Variants in SLC12A5 observed in about 807,000 individuals in gnomAD.
SLC12A5 encodes the protein K-Cl cotransporter 2.
SLC12A5 carries 18 observed loss-of-function variants against 124.0 expected under a neutral mutation model. The ratio of observed to expected loss-of-function variants is 0.15; its 90% CI spans 0.10 to 0.22. The LOEUF is 0.22. Ranked by LOEUF, SLC12A5 falls within the 10% of genes least tolerant of loss-of-function variation. SLC12A5 has a pLI of 1.00. For missense variants in SLC12A5, 867 were observed against 1,478.7 expected, an observed-to-expected ratio of 0.59 and a Z score of 6.78; for synonymous variants, 589 against 568.0, an observed-to-expected ratio of 1.04 and a Z score of -0.53.
At position 46,029,858 on chromosome 20, in the gene SLC12A5, CTGTGTG is replaced by C. The variant is rs3080279; in HGVS notation, c.52+489_52+494del. Among the ~76,000 whole-genome samples, 243 of 133,090 alleles carry C rather than the reference CTGTGTG, an allele frequency of 1.8e-3. 2 individuals are homozygous for C. The highest frequency in any genetic ancestry group is 2.5e-3 in the Non-Finnish European group (159 of 64,162). The allele number at this position is 133,090 out of a possible 152,430, so 87.3% of individuals were successfully genotyped here. The stretch of plus-strand genomic sequence containing the variant: ...ATCTGGAAGATGGGGGAAGAGGTGG[CTGTGTG>C]TGTGTGTGTGTGTGTGTGTGTGTGT... On this transcript the variant is annotated intron_variant, in intron 1 of 25. Transcript: ENST00000243964.
At chr20:46,044,004 C>A in intron 11 of SLC12A5, 71 bp downstream of exon 11, 1 of 1,478,956 alleles carries the variant, frequency 6.8e-7, no homozygotes, top group Non-Finnish European at 9.1e-7. Context: ...GGGAAACAGA[C>A]CCATCAGGAG....
chr20:46,056,506 AATAAGGGCC>A lies in SLC12A5; in HGVS notation c.3053_3061del (p.Asn1018_Pro1021delinsThr). 6.2e-7 allele frequency: 1 copy of A among 1,614,056 alleles called. No homozygotes were observed. Among genetic ancestry groups the A allele is most frequent in the Non-Finnish European group, 8.5e-7 (1 of 1,179,988 alleles). ...CAAGGACAAGTCGGTGGCAGAGAAG[AATAAGGGCC>A]CCAGTCCTGTCTCCTCTGAGGGCAT... On this transcript the variant is annotated inframe_deletion, in exon 23 of 26. Coordinates refer to ENST00000243964, the MANE Select transcript of SLC12A5 (RefSeq NM_020708.5). This position sits in a 1 kb window ranked among gnomAD's most constrained non-coding sequence, Gnocchi z 4.3.
intron 16 of SLC12A5, among the ~76,000 whole-genome samples, chr20:46,049,214 A>G (rs1383263493): frequency 1.3e-5 from 2 of 152,190 alleles, no homozygotes; most frequent in African/African-American, 4.8e-5. Context: ...GAGGACTAAG[A>G]CGGCTAAATG....
At chr20:46,044,529 G>T (rs1600598211) in intron 11 of SLC12A5, among the ~76,000 whole-genome samples, 2 of 152,200 alleles carry the variant, frequency 1.3e-5, no homozygotes, top group South Asian at 4.1e-4. Flanking sequence ...TGGAGGAAGG[G>T]CATTCCAGGC....
Position 46,056,830 on chromosome 20 carries a change from G to T in SLC12A5, c.3111-67G>T. ...CAGATGACCATGGCCCAAGCCCCCAGTGTCTTCCTCTTTTTCTGACTCTGC... is the reference window on the plus strand; with the variant it reads ...CAGATGACCATGGCCCAAGCCCCCATTGTCTTCCTCTTTTTCTGACTCTGC... On this transcript the variant is annotated intron_variant, in intron 23 of 25. Transcript: ENST00000243964. This position sits in a 1 kb window ranked among gnomAD's most constrained non-coding sequence, Gnocchi z 4.3. The T allele has an allele frequency of 6.5e-7, 1 of 1,549,322 alleles. No homozygotes were observed. The highest frequency in any genetic ancestry group is 1.7e-5 in the Admixed American group (1 of 59,934).
At position 46,045,874 on chromosome 20, in the gene SLC12A5, C is replaced by G. The variant is rs1235380042; in HGVS notation, c.1570-4C>G. ...CAGTCCCATGATGATTGCTCTTTCC[C>G]CAGGTCTTTGGCCATGGCAAGGCCA... On this transcript the variant is annotated splice_region_variant and splice_polypyrimidine_tract_variant and intron_variant, in intron 12 of 25. Coordinates refer to ENST00000243964, the MANE Select transcript of SLC12A5 (RefSeq NM_020708.5). This position sits in a 1 kb window ranked among gnomAD's most constrained non-coding sequence, Gnocchi z 4.9. 6.2e-7 allele frequency: 1 copy of G among 1,613,538 alleles called. No individual in the cohort carries two copies. The highest frequency in any genetic ancestry group is 8.5e-7 in the Non-Finnish European group (1 of 1,179,526).
chr20:46,044,859 T>C, intron 11 of SLC12A5, 107 bp from the exon 12 acceptor site: 1 of 1,272,018 alleles, frequency 7.9e-7, no homozygotes, highest in Non-Finnish European at 1.1e-6. Flanking sequence ...CTTACAGAAC[T>C]TAGTCCTGTG....
rs142740233 is a variant in SLC12A5 at position 46,056,217 on chromosome 20, G to A, written c.2855G>A (p.Arg952His). 2.1e-3 allele frequency: 3,364 copies of A among 1,614,188 alleles called. 42 individuals are homozygous for A. Among genetic ancestry groups the A allele is most frequent in the South Asian group, 0.019 (1,706 of 91,084 alleles). Residue 952 changes from arginine (R) to histidine (H), a missense_variant, in exon 22 of 26, where the codon CGC (arginine) becomes CAC (histidine). Arg to His is a conservative substitution (Grantham distance 29). Around this residue, in one of 9 missense-constraint regions of SLC12A5, gnomAD observed 180 missense variants for 243.6 expected, o/e 0.74. Transcript: ENST00000243964. The surrounding 1 kb of genome is among the most constrained non-coding windows in gnomAD (Gnocchi z 4.3). Reference sequence around the variant, plus strand: ...AAGAATCCAGCCAACACGCGGCTCCGCCTGAACGTCCCAGAAGAGACGGCT... The same window carrying A: ...AAGAATCCAGCCAACACGCGGCTCCACCTGAACGTCCCAGAAGAGACGGCT... ...RRKNPANTRL[R>H]LNVPEETAGD... is the part of the protein sequence containing the mutation.
At chr20:46,040,169 T>C (rs1378203904) in intron 6 of SLC12A5, among the ~76,000 whole-genome samples, 1 of 152,192 alleles carries the variant, frequency 6.6e-6, no homozygotes, top group East Asian at 1.9e-4. Flanking sequence ...TGCCTGGCCT[T>C]ATAATGTCAT....
At chr20:46,046,464 T>C in intron 14 of SLC12A5, 28 bp downstream of exon 14, 1 of 1,597,452 alleles carries the variant, frequency 6.3e-7, no homozygotes, top group Non-Finnish European at 8.6e-7. Context: ...ACACTTCCAC[T>C]GAGCCACTTG....
At chr20:46,040,851 G>C (rs1263975738) in intron 7 of SLC12A5, 2 of 590,936 alleles carry the variant, frequency 3.4e-6, no homozygotes, top group Non-Finnish European at 5.8e-6. Flanking sequence ...TTGCTGGTAG[G>C]GTGGACTTAG....
rs1318808185 is a variant in SLC12A5 at position 46,057,694 on chromosome 20, T to TACAGA, written c.*90_*94dup. 21 of 996,932 alleles carry TACAGA rather than the reference T, an allele frequency of 2.1e-5. No individual in the cohort carries two copies. Among genetic ancestry groups the TACAGA allele is most frequent in the Admixed American group, 5.5e-5 (2 of 36,264 alleles). 61.8% of individuals were successfully genotyped at this position (996,932 alleles called of 1,614,324 possible). A position where few individuals can be genotyped will look rare whatever the true frequency, so the allele number is the denominator to read the frequency against. On this transcript the variant is annotated 3_prime_UTR_variant, in exon 26 of 26. Transcript: ENST00000243964. The surrounding 1 kb of genome is among the most constrained non-coding windows in gnomAD (Gnocchi z 7.1). ...CCCCCCGCCGCTGTCACCGTTTACA[T>TACAGA]ACAGACCCTGTGCCCGTGTCCTGGC...
upstream of SLC12A5, among the ~76,000 whole-genome samples, chr20:46,028,005 A>G (rs1021602945): frequency 6.6e-6 from 1 of 152,272 alleles, no homozygotes; most frequent in Admixed American, 6.5e-5. Context: ...TCCCACCCTC[A>G]GATGTTTAGA....
At chr20:46,047,344 C>A in intron 14 of SLC12A5, 110 bp from the exon 15 acceptor site, 2 of 1,456,354 alleles carry the variant, frequency 1.4e-6, no homozygotes, top group South Asian at 2.6e-5. Flanking sequence ...CGGGCTGTCA[C>A]CTCCCAGGTC....
chr20:46,024,616 T>C (rs1014782336), upstream of SLC12A5, among the ~76,000 whole-genome samples: 4 of 152,198 alleles, frequency 2.6e-5, no homozygotes, highest in African/African-American at 9.7e-5. Context: ...TGTATTATCT[T>C]TTACTCTGGG....
intron 1 of SLC12A5, chr20:46,022,044 A>T (rs1859742078): frequency 4.6e-6 from 4 of 862,846 alleles, no homozygotes; most frequent in Non-Finnish European, 4.7e-6. Flanking sequence ...CTAGGAAACC[A>T]AGGGGCCGGG....
At chr20:46,038,187 T>G (rs1341590291) in intron 6 of SLC12A5, 1 of 152,132 alleles carries the variant, frequency 6.6e-6, no homozygotes, top group Non-Finnish European at 1.5e-5. Context: ...AAGGTGGCCA[T>G]TTTATTTTAT....
rs907069799 is a variant in SLC12A5 at position 46,059,040 on chromosome 20, T to C, written c.*1435T>C. On this transcript the variant is annotated 3_prime_UTR_variant, in exon 26 of 26. Transcript: ENST00000243964. ...CCCAGCTCATCCTTGGCCCTTCCGC[T>C]CCACCAGCCTGGTCTGAGGCGTGCT... The C allele has an allele frequency of 1.3e-4, 39 of 291,898 alleles. No homozygotes were observed. Among genetic ancestry groups the C allele is most frequent in the African/African-American group, 8.4e-4 (39 of 46,324 alleles). 18.1% of individuals were successfully genotyped at this position (291,898 alleles called of 1,614,324 possible).
intron 6 of SLC12A5, among the ~76,000 whole-genome samples, chr20:46,037,956 G>T (rs3848726): frequency 0.27 from 41,353 of 152,040 alleles, 6,857 homozygotes; most frequent in Non-Finnish European, 0.38. Flanking sequence ...GTTGGGAATA[G>T]TGACTGATGG....
Sources: gnomAD v4.1 joint callset for allele counts (sites outside exome capture counted in the v4.1 genomes callset) on GRCh38, gnomAD v4.1.1 for gene constraint, gnomAD v4.1.1 regional missense constraint, Gnocchi (gnomAD v3.1) non-coding constraint, MANE v1.5 for transcripts, NCBI Gene and HGNC (gene_info 2026-07-23, HGNC 2026-07-21) for gene names.